The following MAF variants were observed in gnomAD, a reference collection of about 807,000 sequenced individuals.
MAF encodes transcription factor Maf.
A neutral mutation model predicts 22.0 loss-of-function variants in MAF; 10 were observed. The observed-to-expected ratio is 0.45, with a 90% CI of 0.28 to 0.77. MAF has a LOEUF of 0.77. Ranked by LOEUF, MAF falls within the 30% of genes least tolerant of loss-of-function variation. The probability of loss-of-function intolerance (pLI) is 0.12; values close to 1 mark genes in which losing one functional copy is unlikely to be tolerated. For synonymous variants in MAF, 337 were observed against 255.8 expected, an observed-to-expected ratio of 1.32 and a Z score of -3.03; for missense variants, 544 against 548.4, an observed-to-expected ratio of 0.99 and a Z score of 0.08.
the MAF span, among the ~76,000 whole-genome samples, chr16:79,500,570 T>A: frequency 1.3e-5 from 2 of 152,268 alleles, no homozygotes; most frequent in African/African-American, 4.8e-5. Flanking sequence ...GTAGAGATTA[T>A]GAGCTTGACT....
chr16:79,355,370 T>C, the MAF span, among the ~76,000 whole-genome samples: 1 of 152,282 alleles, frequency 6.6e-6, no homozygotes, highest in South Asian at 2.1e-4. Context: ...TCCCCAGGGA[T>C]GAAGTTTTGC....
chr16:79,502,689 AAATATAAATATAAATATAAATATAT>A, the MAF span, among the ~76,000 whole-genome samples: 10 of 16,836 alleles, frequency 5.9e-4, no homozygotes, highest in African/African-American at 1.8e-3. Context: ...ATATAAATAT[AAATATAAATATAAATATAAATATAT>A]ATATATATAT....
chr16:79,388,727 TC>T, the MAF span, among the ~76,000 whole-genome samples: 1 of 152,162 alleles, frequency 6.6e-6, no homozygotes, highest in Non-Finnish European at 1.5e-5. Flanking sequence ...ATTTAGACTA[TC>T]TCCAAGAAAA....
chr16:79,375,802 G>A, the MAF span, among the ~76,000 whole-genome samples: 4 of 152,074 alleles, frequency 2.6e-5, no homozygotes, highest in Non-Finnish European at 5.9e-5. Flanking sequence ...CTGCATTTTG[G>A]CAAATCCCAG....
At chr16:79,373,167 C>G in the MAF span, among the ~76,000 whole-genome samples, 1 of 151,996 alleles carries the variant, frequency 6.6e-6, no homozygotes, top group East Asian at 1.9e-4. Flanking sequence ...CTTAATAGCA[C>G]CTAGTAGCAT....
chr16:79,243,370 A>G, the MAF span, among the ~76,000 whole-genome samples: 6 of 152,008 alleles, frequency 3.9e-5, no homozygotes, highest in African/African-American at 7.2e-5. Context: ...GCAATAAAAA[A>G]TGAAAAAGGG....
At chr16:79,553,561 G>C in the MAF span, among the ~76,000 whole-genome samples, 7 of 152,234 alleles carry the variant, frequency 4.6e-5, no homozygotes, top group African/African-American at 1.7e-4. Context: ...ATCTCACCCG[G>C]AGCCTGTGCA....
At chr16:79,212,358 G>GAGGGAGTAGAAT in the MAF span, 1 of 587,294 alleles carries the variant, frequency 1.7e-6, no homozygotes, top group Admixed American at 3.2e-5. Context: ...GTGACACCCA[G>GAGGGAGTAGAAT]AGGGAGTAGA....
the MAF span, among the ~76,000 whole-genome samples, chr16:79,267,124 A>G: frequency 5.3e-5 from 8 of 152,348 alleles, 1 homozygote; most frequent in African/African-American, 1.2e-4. Flanking sequence ...AGACCCCAAC[A>G]TCTCAGAAGC....
chr16:79,335,852 CA>C, the MAF span, among the ~76,000 whole-genome samples: 1 of 152,180 alleles, frequency 6.6e-6, no homozygotes, highest in African/African-American at 2.4e-5. Flanking sequence ...GGACAAGAGG[CA>C]GGGGCGAAGA....
At chr16:79,549,277 G>C in the MAF span, among the ~76,000 whole-genome samples, 5 of 152,158 alleles carry the variant, frequency 3.3e-5, no homozygotes, top group Admixed American at 3.3e-4. Flanking sequence ...TCATTGAGCA[G>C]AACAGCCCCA....
the MAF span, among the ~76,000 whole-genome samples, chr16:79,297,236 C>G: frequency 6.6e-6 from 1 of 152,124 alleles, no homozygotes; most frequent in Non-Finnish European, 1.5e-5. Flanking sequence ...TGAAAAAGTA[C>G]TTTGGAGGAA....
downstream of MAF, among the ~76,000 whole-genome samples, chr16:79,589,945 G>A (rs964526032): frequency 3.9e-5 from 6 of 152,154 alleles, no homozygotes; most frequent in African/African-American, 1.4e-4. Context: ...CACTGCCGCG[G>A]GTCTGGGACT....
chr16:79,454,374 C>G, the MAF span, among the ~76,000 whole-genome samples: 1 of 151,760 alleles, frequency 6.6e-6, no homozygotes, highest in African/African-American at 2.4e-5. Flanking sequence ...TAAGAGAAGG[C>G]TACCAGAAAT....
the MAF span, among the ~76,000 whole-genome samples, chr16:79,413,210 G>GTTTTTTTTTTTTTTT: frequency 3.1e-5 from 2 of 63,620 alleles, 1 homozygote; most frequent in Non-Finnish European, 6.0e-5. Context: ...GAGCTGTGCA[G>GTTTTTTTTTTTTTTT]TTTTTTTTTT....
chr16:79,211,492 C>T, the MAF span: 1 of 1,335,304 alleles, frequency 7.5e-7, no homozygotes. Flanking sequence ...ATGCCAAGAT[C>T]CAGCTGAAAC....
At chr16:79,339,787 T>C in the MAF span, among the ~76,000 whole-genome samples, 1 of 152,224 alleles carries the variant, frequency 6.6e-6, no homozygotes, top group Admixed American at 6.5e-5. Context: ...TGATTACTTT[T>C]CACCAGTCTT....
the MAF span, among the ~76,000 whole-genome samples, chr16:79,447,423 G>A: frequency 9.2e-5 from 14 of 152,216 alleles, no homozygotes; most frequent in Admixed American, 6.5e-5. Context: ...AGATGTACAA[G>A]GTGATGGATG....
chr16:79,209,305 G>C, the MAF span, among the ~76,000 whole-genome samples: 1 of 152,304 alleles, frequency 6.6e-6, no homozygotes, highest in South Asian at 2.1e-4. Context: ...GAATTTCTTA[G>C]CAAAAATACC....
Sources: gnomAD v4.1 joint callset for allele counts (sites outside exome capture counted in the v4.1 genomes callset) on GRCh38, gnomAD v4.1.1 for gene constraint, MANE v1.5 for transcripts, NCBI Gene and HGNC (gene_info 2026-07-23, HGNC 2026-07-21) for gene names.